The following RYR3 variants were observed in gnomAD, a reference collection of about 807,000 sequenced individuals.
RYR3 encodes brain ryanodine receptor-calcium release channel.
Under a neutral mutation model 584.3 loss-of-function variants are expected in RYR3, and 207 were observed. The observed-to-expected ratio is 0.35, with a 90% CI of 0.32 to 0.40. RYR3 has a LOEUF of 0.40. RYR3 is among the 10% of genes least tolerant of loss of function. The pLI, the probability that RYR3 is intolerant of heterozygous loss-of-function variation, is 1.00. For missense variants in RYR3, 5,616 were observed against 6,089.2 expected, an observed-to-expected ratio of 0.92 and a Z score of 2.59; for synonymous variants, 2,416 against 2,248.5, an observed-to-expected ratio of 1.07 and a Z score of -2.11.
intron 67 of RYR3, among the ~76,000 whole-genome samples, chr15:33,799,542 C>T (rs2075805531): frequency 6.6e-6 from 1 of 152,248 alleles, no homozygotes; most frequent in Admixed American, 6.5e-5. Context: ...AAACTCCCTG[C>T]CTCTTCCCCC....
intron 1 of RYR3, among the ~76,000 whole-genome samples, chr15:33,404,585 G>GTTTT (rs200311525): frequency 0.042 from 5,357 of 127,144 alleles, 105 homozygotes; most frequent in Non-Finnish European, 0.057. Flanking sequence ...ATTTACTACT[G>GTTTT]TGTGTTTTTT....
At chr15:33,800,667 A>T (rs1287806953) in intron 67 of RYR3, 103 bp from the exon 68 acceptor site, 13 of 768,088 alleles carry the variant, frequency 1.7e-5, no homozygotes. Context: ...ATGCAGTTTG[A>T]TCTGGATAAA....
intron 12 of RYR3, among the ~76,000 whole-genome samples, chr15:33,572,658 TACACACACACACAC>T (rs57835355): frequency 8.0e-6 from 1 of 124,504 alleles, no homozygotes; most frequent in South Asian, 2.7e-4. Context: ...AAACTATATA[TACACACACACACAC>T]ACACACACAC....
chr15:33,849,654 AACAAAGGTG>A (rs1203325543), intron 94 of RYR3: 2 of 152,216 alleles, frequency 1.3e-5, no homozygotes, highest in Non-Finnish European at 2.9e-5. Flanking sequence ...CCAAATAGTA[AACAAAGGTG>A]ACTGTGTTGA....
At chr15:33,857,729 AAGGTAG>A in intron 98 of RYR3, 45 bp from the exon 99 acceptor site, 1 of 1,607,924 alleles carries the variant, frequency 6.2e-7, no homozygotes, top group Middle Eastern at 1.7e-4. Flanking sequence ...TGAACCTTTC[AAGGTAG>A]AGAAGACCCC....
At chr15:33,459,519 G>A (rs917977487) in intron 1 of RYR3, among the ~76,000 whole-genome samples, 1 of 152,164 alleles carries the variant, frequency 6.6e-6, no homozygotes, top group African/African-American at 2.4e-5. Flanking sequence ...TAAGAGCACA[G>A]CAGGGCTTAA....
intron 19 of RYR3, among the ~76,000 whole-genome samples, chr15:33,613,726 G>A (rs1477545996): frequency 6.6e-6 from 1 of 152,190 alleles, no homozygotes; most frequent in Non-Finnish European, 1.5e-5. Context: ...CCAATGGTTA[G>A]CTATAATCTC....
At chr15:33,374,754 A>C (rs2040601638) in intron 1 of RYR3, among the ~76,000 whole-genome samples, 1 of 152,192 alleles carries the variant, frequency 6.6e-6, no homozygotes. Context: ...AACGAACAGA[A>C]ATGTAATTGT....
chr15:33,864,198 T>A lies in RYR3; in HGVS notation c.14517+9T>A. On this transcript the variant is annotated intron_variant, in intron 103 of 103. Transcript: ENST00000634891. ...CAGAGCACACGGGTCAGGTGAGAAA[T>A]TAAGAATCATATACCCGTGTTAGAT... is the stretch of plus-strand genomic sequence containing the variant. 1 of 1,604,624 alleles carries A rather than the reference T, an allele frequency of 6.2e-7. No homozygotes were observed. The highest frequency in any genetic ancestry group is 8.5e-7 in the Non-Finnish European group (1 of 1,173,704).
chr15:33,478,242 C>A (rs1214720682), intron 2 of RYR3, among the ~76,000 whole-genome samples: 1 of 152,096 alleles, frequency 6.6e-6, no homozygotes, highest in Non-Finnish European at 1.5e-5. Context: ...TACTGCATTT[C>A]GGCAGAAACC....
intron 45 of RYR3, among the ~76,000 whole-genome samples, chr15:33,725,636 T>C (rs556481842): frequency 2.6e-5 from 4 of 152,100 alleles, no homozygotes; most frequent in African/African-American, 9.6e-5. Context: ...CTCTTAGAAA[T>C]TGAAATTCAT....
At chr15:33,341,204 A>G (rs927363285) in intron 1 of RYR3, among the ~76,000 whole-genome samples, 4 of 151,878 alleles carry the variant, frequency 2.6e-5, no homozygotes, top group Non-Finnish European at 5.9e-5. Flanking sequence ...GCACCCAGCT[A>G]ATTTTTGTAT....
chr15:33,396,218 T>TGA (rs1388781085), intron 1 of RYR3, among the ~76,000 whole-genome samples: 2 of 152,182 alleles, frequency 1.3e-5, no homozygotes, highest in South Asian at 2.1e-4. Flanking sequence ...TATACTTCAC[T>TGA]GAGAGAGAGC....
At chr15:33,845,162 A>G (rs2078637940) in intron 93 of RYR3, 100 bp downstream of exon 93, 3 of 1,227,940 alleles carry the variant, frequency 2.4e-6, no homozygotes, top group African/African-American at 1.5e-5. Context: ...GCTAGCCGTA[A>G]AGGCCTTCGT....
chr15:33,749,983 T>C lies in RYR3; in HGVS notation c.8204T>C (p.Met2735Thr). 6.2e-7 allele frequency: 1 copy of C among 1,611,876 alleles called. No homozygotes were observed. The highest frequency in any genetic ancestry group is 8.5e-7 in the Non-Finnish European group (1 of 1,179,254). Residue 2735 changes from methionine to threonine, a missense_variant, in exon 56 of 104, where the codon ATG becomes ACG. This residue lies in a region of RYR3 where 1,280 missense variants were observed against 1,426.2 expected (regional missense o/e 0.90). Coordinates refer to ENST00000634891, the MANE Select transcript of RYR3 (RefSeq NM_001036.6). ...GCTCTTCTTGGTGGGACACAGGGAA[T>C]GGTGGAGGTCGTGGCTGAGAACTAT... ...NVVLSRELQG[M>T]VEVVAENYHN... is the part of the protein sequence containing the mutation.
intron 55 of RYR3, among the ~76,000 whole-genome samples, chr15:33,749,539 T>C (rs72715122): frequency 0.024 from 3,581 of 152,318 alleles, 69 homozygotes; most frequent in Middle Eastern, 0.054. Context: ...AAATCTTATT[T>C]ACAGCACTTT....
intron 1 of RYR3, among the ~76,000 whole-genome samples, chr15:33,438,218 A>G (rs1261739090): frequency 1.3e-5 from 2 of 152,080 alleles, no homozygotes; most frequent in East Asian, 1.9e-4. Context: ...ATTATTAATT[A>G]TAGTCACCAT....
At chr15:33,514,973 C>T (rs2053381920) in intron 3 of RYR3, among the ~76,000 whole-genome samples, 1 of 151,908 alleles carries the variant, frequency 6.6e-6, no homozygotes, top group African/African-American at 2.4e-5. Context: ...CACTGCACTC[C>T]AGCCTGGGGG....
At chr15:33,423,903 G>A (rs991801480) in intron 1 of RYR3, among the ~76,000 whole-genome samples, 8 of 152,122 alleles carry the variant, frequency 5.3e-5, no homozygotes, top group African/African-American at 1.9e-4. Flanking sequence ...TTTAAAGTAA[G>A]AAAACCCGTT....
Sources: gnomAD v4.1 joint callset for allele counts (sites outside exome capture counted in the v4.1 genomes callset) on GRCh38, gnomAD v4.1.1 for gene constraint, gnomAD v4.1.1 regional missense constraint, MANE v1.5 for transcripts, NCBI Gene and HGNC (gene_info 2026-07-23, HGNC 2026-07-21) for gene names.